The following DTD1 variants were observed in gnomAD, a reference collection of about 807,000 sequenced individuals.
DTD1 encodes the protein D-tyrosyl-tRNA deacylase 1 homolog.
DTD1 carries 13 observed loss-of-function variants against 25.6 expected under a neutral mutation model. That is an observed-to-expected ratio of 0.51 (90% CI 0.33 to 0.81). The LOEUF (loss-of-function observed/expected upper bound fraction) is 0.81. DTD1 is among the 30% of genes least tolerant of loss of function. The pLI, the probability that DTD1 is intolerant of heterozygous loss-of-function variation, is 0.02. For synonymous variants in DTD1, 110 were observed against 103.6 expected (o/e 1.06, Z -0.37); for missense variants, 193 against 266.4 (o/e 0.72, Z 1.92).
chr20:18,759,508 G>A (rs2061352774), intron 5 of DTD1, among the ~76,000 whole-genome samples: 1 of 152,128 alleles, frequency 6.6e-6, no homozygotes, highest in African/African-American at 2.4e-5. Flanking sequence ...TAGTTTGGCT[G>A]GATATGAAAT....
chr20:18,626,356 T>A (rs898195402), intron 3 of DTD1, among the ~76,000 whole-genome samples: 3 of 152,330 alleles, frequency 2.0e-5, no homozygotes, highest in Admixed American at 2.0e-4. Context: ...GGAGGCACTC[T>A]GGTTTACAGC....
chr20:18,705,135 C>T (rs545899661), intron 4 of DTD1, among the ~76,000 whole-genome samples: 15 of 152,262 alleles, frequency 9.9e-5, no homozygotes, highest in Admixed American at 6.5e-4. Context: ...ACAGATAATT[C>T]GGCTAGACAG....
intron 3 of DTD1, among the ~76,000 whole-genome samples, chr20:18,627,820 G>A (rs769372169): frequency 2.0e-5 from 3 of 152,110 alleles, no homozygotes; most frequent in Non-Finnish European, 2.9e-5. Context: ...TGCTGTTCTC[G>A]TGATAGTGAA....
chr20:18,686,456 G>A (rs1247871023), intron 4 of DTD1, among the ~76,000 whole-genome samples: 1 of 152,122 alleles, frequency 6.6e-6, no homozygotes, highest in Non-Finnish European at 1.5e-5. Context: ...TGGCCAGTTA[G>A]CCTTCCAAAA....
At chr20:18,617,450 C>G (rs1436234617) in intron 3 of DTD1, among the ~76,000 whole-genome samples, 1 of 151,500 alleles carries the variant, frequency 6.6e-6, no homozygotes, top group Non-Finnish European at 1.5e-5. Flanking sequence ...ACTCACAGTT[C>G]TAGTTCATTG....
chr20:18,728,720 G>T (rs2061230738), intron 4 of DTD1, among the ~76,000 whole-genome samples: 1 of 152,102 alleles, frequency 6.6e-6, no homozygotes, highest in African/African-American at 2.4e-5. Flanking sequence ...GTTGAGGCTG[G>T]CAGCAGTGCT....
chr20:18,608,369 ATT>A lies in DTD1; in HGVS notation c.370+12139_370+12140del, dbSNP rs34079729. Among the ~76,000 whole-genome samples, 813 of 125,570 alleles carry A rather than the reference ATT, an allele frequency of 6.5e-3. 9 individuals carry two copies. The highest frequency in any genetic ancestry group is 0.047 in the South Asian group (187 of 3,938). The allele number at this position is 125,570 out of a possible 152,430, so 82.4% of individuals were successfully genotyped here. On this transcript the variant is annotated intron_variant, in intron 3 of 5. Coordinates refer to ENST00000377452, the MANE Select transcript of DTD1 (RefSeq NM_080820.6). ...CCTATTGTCAATTGATTTGTGCTCT[ATT>A]TTTTTTTTTTAAAAAGTTTATATGC...
intron 4 of DTD1, among the ~76,000 whole-genome samples, chr20:18,737,076 G>A (rs1392026905): frequency 2.6e-5 from 4 of 152,128 alleles, no homozygotes; most frequent in African/African-American, 9.7e-5. Context: ...TGCCACTCCC[G>A]ACAATAATGC....
chr20:18,736,220 A>G (rs554617309), intron 4 of DTD1, among the ~76,000 whole-genome samples: 13 of 152,264 alleles, frequency 8.5e-5, no homozygotes, highest in African/African-American at 3.1e-4. Context: ...AACAGCAGAC[A>G]TCGTGTTCCT....
intron 4 of DTD1, among the ~76,000 whole-genome samples, chr20:18,709,593 A>G (rs2061150360): frequency 6.6e-6 from 1 of 152,220 alleles, no homozygotes; most frequent in African/African-American, 2.4e-5. Context: ...ACCTGTGGGC[A>G]GACGGTCACT....
intron 4 of DTD1, among the ~76,000 whole-genome samples, chr20:18,633,340 C>A (rs2060795726): frequency 6.6e-6 from 1 of 152,162 alleles, no homozygotes; most frequent in South Asian, 2.1e-4. Context: ...ATTCCAGGGT[C>A]TCCCCCTCCT....
intron 3 of DTD1, among the ~76,000 whole-genome samples, chr20:18,618,712 C>CACACACAT (rs555385345): frequency 2.2e-4 from 31 of 138,760 alleles, no homozygotes; most frequent in South Asian, 9.0e-4. Flanking sequence ...CACACACACA[C>CACACACAT]ATATAATTTT....
chr20:18,629,012 T>G (rs1281869569), intron 4 of DTD1, among the ~76,000 whole-genome samples: 1 of 115,680 alleles, frequency 8.6e-6, no homozygotes, highest in Non-Finnish European at 1.9e-5. Context: ...TTTTTTTTTT[T>G]TGAGATGGAG....
intron 4 of DTD1, among the ~76,000 whole-genome samples, chr20:18,628,994 T>C (rs914883798): frequency 6.2e-5 from 9 of 144,826 alleles, no homozygotes; most frequent in African/African-American, 1.8e-4. Context: ...CCTGATTTTT[T>C]TTTTTTTTTT....
chr20:18,729,266 T>C (rs944504450), intron 4 of DTD1, among the ~76,000 whole-genome samples: 1 of 152,232 alleles, frequency 6.6e-6, no homozygotes, highest in Non-Finnish European at 1.5e-5. Context: ...TGGCTAAGGC[T>C]TTTATAGATA....
intron 5 of DTD1, among the ~76,000 whole-genome samples, chr20:18,758,739 A>G (rs931842053): frequency 1.3e-5 from 2 of 152,184 alleles, no homozygotes; most frequent in African/African-American, 4.8e-5. Context: ...AAAAGAACGT[A>G]TATCCTGTTG....
At chr20:18,717,709 T>A (rs1005013966) in intron 4 of DTD1, among the ~76,000 whole-genome samples, 3 of 152,226 alleles carry the variant, frequency 2.0e-5, no homozygotes, top group East Asian at 3.8e-4. Context: ...GGAACCAGTT[T>A]ATTTTCTTCT....
chr20:18,699,661 A>G (rs2061095141), intron 4 of DTD1, among the ~76,000 whole-genome samples: 1 of 152,150 alleles, frequency 6.6e-6, no homozygotes, highest in Non-Finnish European at 1.5e-5. Context: ...GAGACTTTCT[A>G]GAAGGGCAGC....
intron 4 of DTD1, among the ~76,000 whole-genome samples, chr20:18,655,429 T>C (rs1428245453): frequency 6.6e-6 from 1 of 152,216 alleles, no homozygotes; most frequent in Non-Finnish European, 1.5e-5. Flanking sequence ...GGTAAGTCTG[T>C]TTTAATTATG....
Sources: gnomAD v4.1 joint callset for allele counts (sites outside exome capture counted in the v4.1 genomes callset) on GRCh38, gnomAD v4.1.1 for gene constraint, MANE v1.5 for transcripts, NCBI Gene and HGNC (gene_info 2026-07-23, HGNC 2026-07-21) for gene names.